Variants in DPYS observed in about 807,000 individuals in gnomAD.
The protein encoded by DPYS is dihydropyrimidine amidohydrolase.
In DPYS, 39 loss-of-function variants were observed where a neutral mutation model predicts 50.3. That is an observed-to-expected ratio of 0.78 (90% confidence interval 0.60 to 1.01). The LOEUF is 1.01. Ranked by LOEUF, DPYS falls within the 50% of genes least tolerant of loss-of-function variation. DPYS has a pLI of 0.00. For missense variants in DPYS, 659 were observed against 680.9 expected, an observed-to-expected ratio of 0.97 and a Z score of 0.36; for synonymous variants, 245 against 250.7, an observed-to-expected ratio of 0.98 and a Z score of 0.22.
intron 7 of DPYS, among the ~76,000 whole-genome samples, chr8:104,399,866 CAAAA>C (rs57562204): frequency 5.1e-4 from 27 of 52,518 alleles, no homozygotes; most frequent in Middle Eastern, 0.019. Flanking sequence ...GACTCCGTCT[CAAAA>C]AAAAAAAAAA....
chr8:104,397,521 C>A (rs1020941701), intron 7 of DPYS, among the ~76,000 whole-genome samples: 1 of 152,118 alleles, frequency 6.6e-6, no homozygotes, highest in Non-Finnish European at 1.5e-5. Context: ...ACATCCAGCC[C>A]ATTTTTGTTG....
intron 7 of DPYS, among the ~76,000 whole-genome samples, chr8:104,400,035 A>G (rs1346409607): frequency 6.6e-6 from 1 of 152,134 alleles, no homozygotes; most frequent in Non-Finnish European, 1.5e-5. Flanking sequence ...AATAATTAAA[A>G]GTGGTTGGAG....
chr8:104,384,630 C>A (rs1171086511), intron 8 of DPYS, among the ~76,000 whole-genome samples: 1 of 152,204 alleles, frequency 6.6e-6, no homozygotes, highest in African/African-American at 2.4e-5. Context: ...TATGGCAGAG[C>A]CATTGCTTAA....
chr8:104,447,408 C>T lies in DPYS; in HGVS notation c.519G>A (p.Leu173=). 2 of 1,613,984 alleles carry T rather than the reference C, an allele frequency of 1.2e-6. No homozygotes were observed. The highest frequency in any genetic ancestry group is 2.2e-5 in the South Asian group (2 of 91,038). Residue 173 remains leucine (L), a synonymous_variant, in exon 3 of 10, where the codon CTG becomes CTA. Transcript: ENST00000351513. ...ACCGAGAGAAGGCTTCGTACAGCTC[C>T]AGGTCTGTCACCATGTACAGATCTT... ...AYKDLYMVTD[L]ELYEAFSRCK...
At chr8:104,402,363 A>G (rs1048753347) in intron 7 of DPYS, among the ~76,000 whole-genome samples, 1 of 152,240 alleles carries the variant, frequency 6.6e-6, no homozygotes, top group Admixed American at 6.5e-5. Flanking sequence ...TCTTTAAGGA[A>G]CAGGAACTGA....
Position 104,404,876 on chromosome 8 carries a change from A to C in DPYS, c.1236-11885T>G, listed in dbSNP as rs1019788656. Among the ~76,000 whole-genome samples, 8 of 152,370 alleles carry C rather than the reference A, an allele frequency of 5.3e-5. No homozygotes were observed. In the East Asian group the frequency reaches 1.5e-3, roughly 29 times the overall value. ...CCCACAAAGCCAAAAAGAAAGTACTATGTGGCTCTTTACAAAAAGTTTGCT... is the reference window on the plus strand; with the variant it reads ...CCCACAAAGCCAAAAAGAAAGTACTCTGTGGCTCTTTACAAAAAGTTTGCT... On this transcript the variant is annotated intron_variant, in intron 7 of 9. Transcript: ENST00000351513.
At chr8:104,443,243 G>A (rs1813412718) in intron 4 of DPYS, among the ~76,000 whole-genome samples, 1 of 151,960 alleles carries the variant, frequency 6.6e-6, no homozygotes. Flanking sequence ...TACCAGTATT[G>A]GCAAAAGAGT....
intron 7 of DPYS, among the ~76,000 whole-genome samples, chr8:104,416,813 C>T (rs1812385494): frequency 6.6e-6 from 1 of 152,082 alleles, no homozygotes; most frequent in South Asian, 2.1e-4. Context: ...CCTAATAAGC[C>T]ATAACCATCA....
At chr8:104,393,443 G>A (rs368234124) in intron 7 of DPYS, among the ~76,000 whole-genome samples, 1 of 152,096 alleles carries the variant, frequency 6.6e-6, no homozygotes, top group Non-Finnish European at 1.5e-5. Flanking sequence ...CAAATCCCAT[G>A]CCCGTTCCTG....
chr8:104,451,700 T>C (rs564068043), intron 1 of DPYS, among the ~76,000 whole-genome samples: 10 of 152,082 alleles, frequency 6.6e-5, no homozygotes, highest in Non-Finnish European at 1.5e-4. Flanking sequence ...AAAATCAAAA[T>C]GGAAAAGTGG....
At chr8:104,421,294 T>C (rs1324373937) in intron 7 of DPYS, 3 of 152,230 alleles carry the variant, frequency 2.0e-5, no homozygotes, top group African/African-American at 4.8e-5. Flanking sequence ...TGATCATTAA[T>C]GTGATAAATA....
chr8:104,424,397 G>T lies in DPYS; in HGVS notation c.1093-8C>A, dbSNP rs774340932. The T allele has an allele frequency of 6.8e-6, 11 of 1,613,054 alleles. No individual in the cohort carries two copies. Among genetic ancestry groups the T allele is most frequent in the Non-Finnish European group, 8.5e-6 (10 of 1,179,860 alleles). ...ATCCATTTTACCACTATGCTGTAAA[G>T]CAATTCAAAGAATCATTCTAATGAT... On this transcript the variant is annotated splice_region_variant and splice_polypyrimidine_tract_variant and intron_variant, in intron 6 of 9. Coordinates refer to ENST00000351513, the MANE Select transcript of DPYS (RefSeq NM_001385.3).
intron 7 of DPYS, among the ~76,000 whole-genome samples, chr8:104,393,295 TAAC>T (rs1811461019): frequency 6.6e-6 from 1 of 152,208 alleles, no homozygotes; most frequent in African/African-American, 2.4e-5. Flanking sequence ...ATTTATATGT[TAAC>T]AACACATTTT....
intron 6 of DPYS, among the ~76,000 whole-genome samples, chr8:104,426,701 C>G (rs144986531): frequency 6.6e-6 from 1 of 152,330 alleles, no homozygotes; most frequent in African/African-American, 2.4e-5. Flanking sequence ...TCTAACCAGG[C>G]AAGTCCCCTC....
intron 3 of DPYS, among the ~76,000 whole-genome samples, chr8:104,445,631 G>A (rs1813499197): frequency 6.6e-6 from 1 of 152,116 alleles, no homozygotes; most frequent in South Asian, 2.1e-4. Context: ...GAAGGTTAGT[G>A]GGGAGGGATG....
chr8:104,380,505 C>G (rs932223504), intron 9 of DPYS: 4 of 152,502 alleles, frequency 2.6e-5, no homozygotes, highest in Non-Finnish European at 5.9e-5. Context: ...TACAGCAAAG[C>G]CGCTGTTAAA....
intron 3 of DPYS, among the ~76,000 whole-genome samples, chr8:104,446,824 T>C (rs1025656531): frequency 1.3e-5 from 2 of 152,180 alleles, no homozygotes; most frequent in African/African-American, 2.4e-5. Flanking sequence ...GGGACTAACA[T>C]GAGAAATAAA....
At chr8:104,407,219 G>C (rs1252069871) in intron 7 of DPYS, among the ~76,000 whole-genome samples, 1 of 152,312 alleles carries the variant, frequency 6.6e-6, no homozygotes, top group East Asian at 1.9e-4. Flanking sequence ...AGAGAAGCCA[G>C]GTAACTCACC....
At chr8:104,408,486 G>C (rs2140564895) in intron 7 of DPYS, among the ~76,000 whole-genome samples, 1 of 152,238 alleles carries the variant, frequency 6.6e-6, no homozygotes, top group Middle Eastern at 3.4e-3. Context: ...TAGCTGAAAG[G>C]TAACAATTTT....
Sources: allele counts gnomAD v4.1 joint callset (sites outside exome capture counted in the v4.1 genomes callset), GRCh38; gene constraint gnomAD v4.1.1; transcripts MANE v1.5; gene names NCBI Gene and HGNC (gene_info 2026-07-23, HGNC 2026-07-21).